Variants in ZNF432 observed in about 807,000 individuals in gnomAD.
ZNF432 encodes zinc finger protein 432.
In ZNF432, 10 loss-of-function variants were observed where a neutral mutation model predicts 13.9. The ratio of observed to expected loss-of-function variants is 0.72; its 90% CI spans 0.44 to 1.22. ZNF432 has a LOEUF of 1.22. Ranked by LOEUF, ZNF432 falls within the 50% of genes most tolerant of loss-of-function variation. ZNF432 has a pLI of 0.00. For missense variants in ZNF432, 793 were observed against 796.2 expected (o/e 1.00, Z 0.05); for synonymous variants, 247 against 256.2 (o/e 0.96, Z 0.34).
chr19:52,032,621 GA>G lies in ZNF432; in HGVS notation c.*1098del, dbSNP rs1256438727. 6.6e-6 allele frequency: 1 copy of G among 151,948 alleles called. No homozygotes were observed. The highest frequency in any genetic ancestry group is 2.4e-5 in the African/African-American group (1 of 41,348). 9.4% of individuals were successfully genotyped at this position (151,948 alleles called of 1,614,324 possible). ...CGGCTAATTTTGTATTTTTAGTAGA[GA>G]GGGGGGCTTCACCATGTTGGTCAGG... On this transcript the variant is annotated 3_prime_UTR_variant, in exon 5 of 5. Coordinates refer to ENST00000221315, the MANE Select transcript of ZNF432 (RefSeq NM_014650.4).
intron 4 of ZNF432, among the ~76,000 whole-genome samples, chr19:52,037,768 C>A (rs1398532246): frequency 7.6e-6 from 1 of 131,812 alleles, no homozygotes; most frequent in Non-Finnish European, 1.5e-5. Context: ...CCAGCCTGAG[C>A]AACAAAGTGA....
chr19:52,037,307 C>A (rs1156934885), intron 4 of ZNF432, among the ~76,000 whole-genome samples: 1 of 152,122 alleles, frequency 6.6e-6, no homozygotes, highest in African/African-American at 2.4e-5. Context: ...TGAACAACTC[C>A]TATAGTCAAC....
intron 3 of ZNF432, 123 bp downstream of exon 3, chr19:52,041,357 G>T: frequency 7.8e-7 from 1 of 1,279,930 alleles, no homozygotes; most frequent in Non-Finnish European, 1.1e-6. Context: ...TTTATCAGAA[G>T]CCAGAGGATG....
Position 52,033,597 on chromosome 19 carries a change from C to T in ZNF432, c.*123G>A, listed in dbSNP as rs2087036801. 1.7e-6 allele frequency: 2 copies of T among 1,153,426 alleles called. No individual in the cohort carries two copies. Among genetic ancestry groups the T allele is most frequent in the South Asian group, 1.7e-5 (1 of 59,552 alleles). The allele number at this position is 1,153,426 out of a possible 1,614,324, so 71.4% of individuals were successfully genotyped here. Reference sequence around the variant, plus strand: ...TGATAGCATTCATCCTAGTGAATAACACTGGATTTTGAAATATGATTTTTC... The same window carrying T: ...TGATAGCATTCATCCTAGTGAATAATACTGGATTTTGAAATATGATTTTTC... On this transcript the variant is annotated 3_prime_UTR_variant, in exon 5 of 5. Coordinates refer to ENST00000221315, the MANE Select transcript of ZNF432 (RefSeq NM_014650.4).
rs2087065318 is a variant in ZNF432, at chr19:52,035,139, A to G, written c.540T>C (p.Ser180=). The G allele has an allele frequency of 3.1e-6, 5 of 1,614,106 alleles. No individual in the cohort carries two copies. Among genetic ancestry groups the G allele is most frequent in the Non-Finnish European group, 3.4e-6 (4 of 1,180,026 alleles). ...YEELYSAAKF[S]VSTKANSTKS... Reference sequence around the variant, plus strand: ...TAGTGCTATTGGCTTTTGTACTTACAGAGAATTTAGCTGCAGAATAAAGTT... The same window carrying G: ...TAGTGCTATTGGCTTTTGTACTTACGGAGAATTTAGCTGCAGAATAAAGTT... Residue 180 remains serine, a synonymous_variant, in exon 5 of 5, where the codon TCT becomes TCC. Transcript: ENST00000221315.
chr19:52,033,421 T>A lies in ZNF432; in HGVS notation c.*299A>T. Reference sequence around the variant, plus strand: ...CAAAAGGACTATGTACCTTACACATTTGTCATGTGGACGTTGTCATAGTTT... The same window carrying A: ...CAAAAGGACTATGTACCTTACACATATGTCATGTGGACGTTGTCATAGTTT... On this transcript the variant is annotated 3_prime_UTR_variant, in exon 5 of 5. Transcript: ENST00000221315. 3 of 338,988 alleles carry A rather than the reference T, an allele frequency of 8.8e-6. No homozygotes were observed. Among genetic ancestry groups the A allele is most frequent in the Non-Finnish European group, 1.6e-5 (3 of 186,874 alleles). The allele number at this position is 338,988 out of a possible 1,614,324, so 21.0% of individuals were successfully genotyped here.
At position 52,032,361 on chromosome 19, in the gene ZNF432, G is replaced by A. The variant is rs1318787319; in HGVS notation, c.*1359C>T. 1 of 151,390 alleles carries A rather than the reference G, an allele frequency of 6.6e-6. No individual in the cohort carries two copies. The highest frequency in any genetic ancestry group is 1.9e-4 in the East Asian group (1 of 5,150). 9.4% of individuals were successfully genotyped at this position (151,390 alleles called of 1,614,324 possible). A position where few individuals can be genotyped will look rare whatever the true frequency, so the allele number is the denominator to read the frequency against. ...ACAATTATGGAATCATTGATAATAT[G>A]ATGCAAGGTATGCTGTCACAGAATA... is the stretch of plus-strand genomic sequence containing the variant. On this transcript the variant is annotated 3_prime_UTR_variant, in exon 5 of 5. Coordinates refer to ENST00000221315, the MANE Select transcript of ZNF432 (RefSeq NM_014650.4).
At chr19:52,041,416 C>A in intron 3 of ZNF432, 64 bp downstream of exon 3, 2 of 1,512,984 alleles carry the variant, frequency 1.3e-6, no homozygotes, top group South Asian at 1.4e-5. Context: ...CAAGGGTAAG[C>A]AACTGAGAAA....
rs146623917 is a variant in ZNF432 at position 52,043,751 on chromosome 19, T to G, written c.16-2145A>C. On this transcript the variant is annotated intron_variant, in intron 2 of 4. Transcript: ENST00000221315. ...GGGACATTCGGGCAGCAATACTGCT[T>G]TGTAAAGCACTGAGATGTTTATGTG... is the stretch of plus-strand genomic sequence containing the variant. Among the ~76,000 whole-genome samples the G allele has an allele frequency of 2.3e-3, 352 of 152,366 alleles. 1 individual carries two copies. Among genetic ancestry groups the G allele is most frequent in the Middle Eastern group, 0.014 (4 of 294 alleles).
At chr19:52,044,605 C>A (rs1419432215) in intron 2 of ZNF432, among the ~76,000 whole-genome samples, 4 of 151,670 alleles carry the variant, frequency 2.6e-5, no homozygotes, top group Non-Finnish European at 4.4e-5. Context: ...ATCCAGTTGG[C>A]CAAGAAATAC....
At chr19:52,035,690 G>A (rs1362371506) in intron 4 of ZNF432, among the ~76,000 whole-genome samples, 9 of 152,034 alleles carry the variant, frequency 5.9e-5, no homozygotes, top group Admixed American at 1.3e-4. Flanking sequence ...GTGCCATCAT[G>A]CCTAGCTAAT....
chr19:52,048,313 C>T (rs2087213162), intron 1 of ZNF432, among the ~76,000 whole-genome samples: 1 of 152,130 alleles, frequency 6.6e-6, no homozygotes, highest in Non-Finnish European at 1.5e-5. Flanking sequence ...CTTAATGATT[C>T]ATCAATCACT....
rs370445266 is a variant in ZNF432 at position 52,040,465 on chromosome 19, G to A, written c.238+23C>T. ...TTTCACTGACTATAATATTACTTAC[G>A]CATCTTGCTGCTTCTCACATACCTG... On this transcript the variant is annotated intron_variant, in intron 4 of 4. Transcript: ENST00000221315. The A allele has an allele frequency of 7.6e-5, 121 of 1,594,106 alleles. No individual in the cohort carries two copies. The African/African-American group carries it at 1.1e-3, about 14-fold the overall frequency.
chr19:52,036,670 CTGAA>C (rs1055920868), intron 4 of ZNF432, among the ~76,000 whole-genome samples: 4 of 151,958 alleles, frequency 2.6e-5, no homozygotes, highest in Non-Finnish European at 5.9e-5. Flanking sequence ...GAAAAAAGGA[CTGAA>C]TGACTTTTTT....
chr19:52,037,120 G>C (rs2087089653), intron 4 of ZNF432, among the ~76,000 whole-genome samples: 1 of 152,182 alleles, frequency 6.6e-6, no homozygotes, highest in Non-Finnish European at 1.5e-5. Context: ...TGCTTACTGA[G>C]ATATATAGAA....
intron 4 of ZNF432, among the ~76,000 whole-genome samples, chr19:52,036,532 G>A (rs1221651715): frequency 6.6e-6 from 1 of 151,904 alleles, no homozygotes; most frequent in Admixed American, 6.6e-5. Flanking sequence ...TCCAGCACAT[G>A]TAAAGTATAT....
chr19:52,040,173 A>G (rs2087120934), intron 4 of ZNF432, among the ~76,000 whole-genome samples: 1 of 152,242 alleles, frequency 6.6e-6, no homozygotes, highest in Non-Finnish European at 1.5e-5. Flanking sequence ...GACATAAGTT[A>G]TGACCTGGTT....
At chr19:52,042,844 AAAC>A (rs1395777646) in intron 2 of ZNF432, among the ~76,000 whole-genome samples, 4 of 152,230 alleles carry the variant, frequency 2.6e-5, no homozygotes, top group African/African-American at 9.6e-5. Flanking sequence ...AACATTATGC[AAAC>A]AACTGTTAAT....
At chr19:52,038,602 C>T (rs895630388) in intron 4 of ZNF432, among the ~76,000 whole-genome samples, 2 of 152,212 alleles carry the variant, frequency 1.3e-5, no homozygotes, top group Non-Finnish European at 2.9e-5. Context: ...TGCCTTCATT[C>T]TTAATTCATG....
Sources: gnomAD v4.1 joint callset for allele counts (sites outside exome capture counted in the v4.1 genomes callset) on GRCh38, gnomAD v4.1.1 for gene constraint, MANE v1.5 for transcripts, NCBI Gene and HGNC (gene_info 2026-07-23, HGNC 2026-07-21) for gene names.